The following WASHC4 variants were observed in gnomAD, a reference collection of about 807,000 sequenced individuals.
WASHC4 encodes WASH complex subunit 4.
In WASHC4, 86 loss-of-function variants were observed where a neutral mutation model predicts 166.6. The observed-to-expected ratio is 0.52, with a 90% CI of 0.43 to 0.62. The LOEUF is 0.62. WASHC4 is among the 20% of genes least tolerant of loss of function. WASHC4 has a pLI of 0.00. For missense variants in WASHC4, 1,262 were observed against 1,382.4 expected, an observed-to-expected ratio of 0.91 and a Z score of 1.38; for synonymous variants, 446 against 451.6, an observed-to-expected ratio of 0.99 and a Z score of 0.16.
At chr12:105,163,627 G>A (rs1449801697) in intron 30 of WASHC4, among the ~76,000 whole-genome samples, 2 of 151,722 alleles carry the variant, frequency 1.3e-5, no homozygotes, top group Non-Finnish European at 1.5e-5. Flanking sequence ...TCAGCCTCCC[G>A]AGTAGCTGAG....
At chr12:105,154,961 A>G (rs890732382) in intron 26 of WASHC4, 4 of 152,244 alleles carry the variant, frequency 2.6e-5, no homozygotes, top group South Asian at 2.1e-4. Flanking sequence ...GTTAACTGCT[A>G]TGTAGGGTTG....
chr12:105,132,309 C>G (rs1418618073), intron 13 of WASHC4, among the ~76,000 whole-genome samples: 3 of 152,154 alleles, frequency 2.0e-5, no homozygotes, highest in Non-Finnish European at 4.4e-5. Context: ...GTAGCTGAGA[C>G]TACAAGCGTG....
chr12:105,120,715 T>C, intron 8 of WASHC4, 118 bp downstream of exon 8: 1 of 705,674 alleles, frequency 1.4e-6, no homozygotes, highest in South Asian at 1.6e-5. Context: ...CGTGTGTGTG[T>C]GTGTGTGTTT....
intron 26 of WASHC4, among the ~76,000 whole-genome samples, chr12:105,152,852 C>T (rs900437193): frequency 9.9e-5 from 15 of 152,130 alleles, no homozygotes; most frequent in African/African-American, 3.4e-4. Context: ...TTATTAAGTT[C>T]TATGTTACAC....
chr12:105,107,760 A>G lies in WASHC4; in HGVS notation c.-41A>G. 2.0e-6 allele frequency: 3 copies of G among 1,485,812 alleles called. No homozygotes were observed. Among genetic ancestry groups the G allele is most frequent in the South Asian group, 1.2e-5 (1 of 82,040 alleles). 92.0% of individuals were successfully genotyped at this position (1,485,812 alleles called of 1,614,324 possible). On this transcript the variant is annotated 5_prime_UTR_variant, in exon 1 of 33. Coordinates refer to ENST00000332180, the MANE Select transcript of WASHC4 (RefSeq NM_015275.3). Reference sequence around the variant, plus strand: ...GCTGGGGTGAGGCCGTCGTCGCCGCACGGGCTGGTTGGGGCTGTGTCTGTG... The same window carrying G: ...GCTGGGGTGAGGCCGTCGTCGCCGCGCGGGCTGGTTGGGGCTGTGTCTGTG...
intron 29 of WASHC4, among the ~76,000 whole-genome samples, chr12:105,162,430 G>A (rs1031881563): frequency 3.9e-5 from 6 of 152,024 alleles, no homozygotes; most frequent in South Asian, 2.1e-4. Flanking sequence ...CCCAAGCCTC[G>A]GTGTCCTTCT....
In WASHC4 at chr12:105,152,392, G is replaced by T; in HGVS notation, c.2699G>T (p.Gly900Val). The change falls in exon 26 of 33, where the codon GGA becomes GTA. Residue 900 changes from glycine to valine, a missense_variant. Physicochemically the swap from Gly to Val is moderately radical, Grantham distance 109 (BLOSUM62 -3). Coordinates refer to ENST00000332180, the MANE Select transcript of WASHC4 (RefSeq NM_015275.3). ...TTCAATCGAGGCATCAGAAAACTTG[G>T]AGTAACACCTGAGGGACAGAGCTAC... ...EKFNRGIRKL[G>V]VTPEGQSYLD... 1 of 1,607,578 alleles carries T rather than the reference G, an allele frequency of 6.2e-7. No individual in the cohort carries two copies. The highest frequency in any genetic ancestry group is 8.5e-7 in the Non-Finnish European group (1 of 1,174,186).
intron 27 of WASHC4, 146 bp from the exon 28 acceptor site, chr12:105,157,090 G>A (rs1349165806): frequency 6.4e-6 from 4 of 629,846 alleles, no homozygotes; most frequent in South Asian, 3.8e-5. Context: ...AACTAAAGTG[G>A]TGATATGAAT....
chr12:105,144,560 T>C (rs1883140663), intron 21 of WASHC4, 105 bp downstream of exon 21: 2 of 1,211,186 alleles, frequency 1.7e-6, no homozygotes, highest in South Asian at 1.3e-5. Flanking sequence ...TGTGTTGTTA[T>C]TCTTTAATTA....
At chr12:105,140,021 G>A (rs1001180427) in intron 15 of WASHC4, among the ~76,000 whole-genome samples, 10 of 151,692 alleles carry the variant, frequency 6.6e-5, no homozygotes, top group Non-Finnish European at 8.8e-5. Flanking sequence ...ACAGGTGTGC[G>A]CCACCATGCC....
At chr12:105,166,347 T>C (rs557698857) in intron 32 of WASHC4, among the ~76,000 whole-genome samples, 1 of 152,294 alleles carries the variant, frequency 6.6e-6, no homozygotes, top group East Asian at 1.9e-4. Context: ...GAAAAGCTGT[T>C]TCATTTAAAA....
chr12:105,162,644 C>A (rs1367140096), intron 29 of WASHC4, 105 bp from the exon 30 acceptor site: 1 of 674,940 alleles, frequency 1.5e-6, no homozygotes. Context: ...CTATTCTATT[C>A]TATTTATAGT....
At chr12:105,134,747 G>A (rs369228972) in intron 14 of WASHC4, among the ~76,000 whole-genome samples, 10 of 151,290 alleles carry the variant, frequency 6.6e-5, no homozygotes, top group African/African-American at 1.2e-4. Flanking sequence ...CGTAAGTAAC[G>A]TATATTTTTC....
At chr12:105,159,902 CT>C (rs995929246) in intron 28 of WASHC4, 98 bp from the exon 29 acceptor site, 3 of 1,110,946 alleles carry the variant, frequency 2.7e-6, no homozygotes, top group Non-Finnish European at 4.1e-6. Context: ...ACAGTGTTTC[CT>C]GCTTTTCAAG....
chr12:105,119,560 C>T (rs936556949), intron 7 of WASHC4, among the ~76,000 whole-genome samples: 8 of 152,044 alleles, frequency 5.3e-5, no homozygotes, highest in African/African-American at 1.2e-4. Context: ...TTTTCCCCCT[C>T]AGTTAGGTAT....
At chr12:105,161,392 T>C (rs758302122) in intron 29 of WASHC4, among the ~76,000 whole-genome samples, 1 of 152,214 alleles carries the variant, frequency 6.6e-6, no homozygotes, top group South Asian at 2.1e-4. Flanking sequence ...AGTGTCAAAC[T>C]GGAGGGAGAG....
At position 105,164,236 on chromosome 12, in the gene WASHC4, TCAG is replaced by T. The variant is rs1353910081; in HGVS notation, c.3285_3287del (p.Ala1096del). 16 of 1,613,962 alleles carry T rather than the reference TCAG, an allele frequency of 9.9e-6. No individual in the cohort carries two copies. Among genetic ancestry groups the T allele is most frequent in the Middle Eastern group, 1.6e-4 (1 of 6,082 alleles). On this transcript the variant is annotated inframe_deletion, in exon 31 of 33. Transcript: ENST00000332180. Reference sequence around the variant, plus strand: ...AGTTGCTAAGCAACAGAATGTACAGTCAGCCAGTCAAGATGAAAAACTCTTACA... The same window carrying T: ...AGTTGCTAAGCAACAGAATGTACAGTCCAGTCAAGATGAAAAACTCTTACA...
At position 105,143,262 on chromosome 12, in the gene WASHC4, T is replaced by C; in HGVS notation, c.2010+19T>C. On this transcript the variant is annotated intron_variant, in intron 20 of 32. Coordinates refer to ENST00000332180, the MANE Select transcript of WASHC4 (RefSeq NM_015275.3). ...AAATGAGGTAACATCATATTTGAGA[T>C]TGAAAAGCTTAAAACATGTTTGGAA... The C allele has an allele frequency of 1.5e-6, 2 of 1,332,052 alleles. No homozygotes were observed. Among genetic ancestry groups the C allele is most frequent in the Non-Finnish European group, 2.2e-6 (2 of 923,782 alleles). The allele number at this position is 1,332,052 out of a possible 1,614,324, so 82.5% of individuals were successfully genotyped here.
At chr12:105,156,157 T>G (rs2135830765) in intron 26 of WASHC4, among the ~76,000 whole-genome samples, 1 of 152,344 alleles carries the variant, frequency 6.6e-6, no homozygotes, top group Admixed American at 6.5e-5. Context: ...GACATTTGGC[T>G]TGAGCAACTG....
Sources: gnomAD v4.1 joint callset for allele counts (sites outside exome capture counted in the v4.1 genomes callset) on GRCh38, gnomAD v4.1.1 for gene constraint, MANE v1.5 for transcripts, NCBI Gene and HGNC (gene_info 2026-07-23, HGNC 2026-07-21) for gene names.